Variants in CCDC73 observed in about 807,000 individuals in gnomAD.
CCDC73 encodes the protein coiled-coil domain-containing protein 73.
A neutral mutation model predicts 116.5 loss-of-function variants in CCDC73; 95 were observed. The observed-to-expected ratio is 0.82, with a 90% CI of 0.69 to 0.97. CCDC73 has a LOEUF of 0.97. Ranked by LOEUF, CCDC73 falls within the 50% of genes least tolerant of loss-of-function variation. The pLI is 0.00. For missense variants in CCDC73, 1,066 were observed against 1,206.8 expected, an observed-to-expected ratio of 0.88 and a Z score of 1.73; for synonymous variants, 398 against 401.3, an observed-to-expected ratio of 0.99 and a Z score of 0.10.
At chr11:32,641,517 A>G (rs1165428513) in intron 13 of CCDC73, among the ~76,000 whole-genome samples, 2 of 152,034 alleles carry the variant, frequency 1.3e-5, no homozygotes, top group Non-Finnish European at 2.9e-5. Flanking sequence ...ACAGAAGTCA[A>G]CTACTGCACA....
intron 13 of CCDC73, among the ~76,000 whole-genome samples, chr11:32,640,430 T>A (rs1014630902): frequency 3.3e-5 from 5 of 152,186 alleles, no homozygotes; most frequent in Non-Finnish European, 7.3e-5. Flanking sequence ...GTTTGGCATA[T>A]TTAAGTTTAT....
intron 1 of CCDC73, among the ~76,000 whole-genome samples, chr11:32,775,301 C>T (rs541480224): frequency 6.6e-6 from 1 of 152,224 alleles, no homozygotes; most frequent in East Asian, 1.9e-4. Context: ...CTTGCTGTTC[C>T]TTCTGTCTGG....
At chr11:32,637,174 C>A (rs1405293470) in intron 13 of CCDC73, among the ~76,000 whole-genome samples, 1 of 151,870 alleles carries the variant, frequency 6.6e-6, no homozygotes, top group Non-Finnish European at 1.5e-5. Context: ...CTTGCACCAC[C>A]ACGCCCAGCT....
At chr11:32,739,525 C>G (rs1471490972) in intron 2 of CCDC73, among the ~76,000 whole-genome samples, 2 of 152,064 alleles carry the variant, frequency 1.3e-5, no homozygotes, top group Non-Finnish European at 2.9e-5. Context: ...GGAAATGCTA[C>G]TGGTTTTTGT....
chr11:32,612,886 T>C (rs947215023), intron 16 of CCDC73, among the ~76,000 whole-genome samples: 29 of 152,356 alleles, frequency 1.9e-4, no homozygotes, highest in African/African-American at 6.5e-4. Flanking sequence ...AACTTGGACA[T>C]TATGCCATTT....
intron 13 of CCDC73, among the ~76,000 whole-genome samples, chr11:32,638,342 A>C (rs1177881242): frequency 6.6e-6 from 1 of 152,234 alleles, no homozygotes; most frequent in Non-Finnish European, 1.5e-5. Flanking sequence ...CTAATCTCCT[A>C]GTAAGGAAGT....
intron 4 of CCDC73, 99 bp downstream of exon 4, chr11:32,702,774 C>T: frequency 1.2e-5 from 10 of 829,628 alleles, no homozygotes; most frequent in Admixed American, 5.7e-5. Context: ...TCCTTTTTGT[C>T]TTTGGTGACT....
intron 15 of CCDC73, 46 bp from the exon 16 acceptor site, chr11:32,614,988 G>C: frequency 8.7e-7 from 1 of 1,147,848 alleles, no homozygotes; most frequent in South Asian, 1.6e-5. Flanking sequence ...TACACTAAAG[G>C]CTGATTTCAT....
chr11:32,796,145 T>C (rs1850726257), upstream of CCDC73, among the ~76,000 whole-genome samples: 1 of 152,338 alleles, frequency 6.6e-6, no homozygotes, highest in South Asian at 2.1e-4. Context: ...TCCCCTACTT[T>C]GACCCCACCT....
intron 17 of CCDC73, chr11:32,606,359 T>TA (rs1439796508): frequency 6.6e-6 from 1 of 152,252 alleles, no homozygotes; most frequent in Non-Finnish European, 1.5e-5. Context: ...AATGGCCTCT[T>TA]ACAACTGCTC....
At chr11:32,681,572 C>T (rs987851661) in intron 7 of CCDC73, 1 of 151,880 alleles carries the variant, frequency 6.6e-6, no homozygotes, top group South Asian at 2.1e-4. Context: ...AAGGACTTAC[C>T]TATAGGAGCT....
At chr11:32,729,895 C>T (rs1365516790) in intron 2 of CCDC73, among the ~76,000 whole-genome samples, 1 of 152,152 alleles carries the variant, frequency 6.6e-6, no homozygotes, top group Non-Finnish European at 1.5e-5. Context: ...CTGACATGCA[C>T]CCATCCAAGA....
chr11:32,703,661 C>T (rs956294573), intron 3 of CCDC73, among the ~76,000 whole-genome samples: 1 of 152,118 alleles, frequency 6.6e-6, no homozygotes, highest in African/African-American at 2.4e-5. Context: ...AGCAGAAATG[C>T]TTACCTGGCA....
intron 9 of CCDC73, among the ~76,000 whole-genome samples, chr11:32,663,437 G>A (rs1444008227): frequency 6.6e-6 from 1 of 152,010 alleles, no homozygotes; most frequent in South Asian, 2.1e-4. Context: ...TTATTCTCTT[G>A]CAAGCAATTG....
intron 12 of CCDC73, among the ~76,000 whole-genome samples, chr11:32,648,244 T>C (rs1239789162): frequency 6.6e-6 from 1 of 152,262 alleles, no homozygotes; most frequent in African/African-American, 2.4e-5. Flanking sequence ...TCTCTTGTGC[T>C]AAGTAAATTA....
At chr11:32,611,017 T>G in intron 17 of CCDC73, 115 bp downstream of exon 17, 13 of 960,646 alleles carry the variant, frequency 1.4e-5, no homozygotes, top group African/African-American at 3.3e-5. Flanking sequence ...GTTGCCCTCT[T>G]GATATTATTT....
chr11:32,701,651 G>A (rs575997139), intron 4 of CCDC73, among the ~76,000 whole-genome samples: 1 of 152,172 alleles, frequency 6.6e-6, no homozygotes, highest in Admixed American at 6.5e-5. Context: ...TCACGCTACT[G>A]CACTCCAGCC....
chr11:32,661,755 A>G lies in CCDC73; in HGVS notation c.646-6783T>C, dbSNP rs1040350887. Among the ~76,000 whole-genome samples the G allele has an allele frequency of 2.0e-5, 3 of 151,220 alleles. No homozygotes were observed. The Admixed American group carries it at 2.0e-4, about 10-fold the overall frequency. On this transcript the variant is annotated intron_variant, in intron 9 of 17. Transcript: ENST00000335185. ...ATGTGCAGGTCTGTTACATATGTAT[A>G]CATGTGCCATGTTGGTGTGCTGCAC...
intron 9 of CCDC73, among the ~76,000 whole-genome samples, chr11:32,666,457 C>T (rs7130602): frequency 0.28 from 43,162 of 152,120 alleles, 6,353 homozygotes; most frequent in South Asian, 0.35. Flanking sequence ...GAATCGGCTA[C>T]TGAAGCTTGT....
Sources: gnomAD v4.1 joint callset for allele counts (sites outside exome capture counted in the v4.1 genomes callset) on GRCh38, gnomAD v4.1.1 for gene constraint, MANE v1.5 for transcripts, NCBI Gene and HGNC (gene_info 2026-07-23, HGNC 2026-07-21) for gene names.